Variants in GMDS observed in about 807,000 individuals in gnomAD.
GMDS encodes GDP-mannose 4,6 dehydratase.
A neutral mutation model predicts 49.9 loss-of-function variants in GMDS; 20 were observed. The ratio of observed to expected loss-of-function variants is 0.40; its 90% CI spans 0.28 to 0.58. GMDS has a LOEUF of 0.58. Among genes scored for constraint, GMDS ranks in the 20% least tolerant of loss-of-function variants. GMDS has a pLI of 0.42. For missense variants in GMDS, 362 were observed against 481.4 expected (o/e 0.75, Z 2.32); for synonymous variants, 177 against 178.6 (o/e 0.99, Z 0.07).
At chr6:2,189,651 C>G (rs1207448366) in intron 1 of GMDS, among the ~76,000 whole-genome samples, 1 of 152,174 alleles carries the variant, frequency 6.6e-6, no homozygotes, top group African/African-American at 2.4e-5. Context: ...ACATCCAGAG[C>G]ATTTTTCTGG....
intron 8 of GMDS, among the ~76,000 whole-genome samples, chr6:1,735,784 C>G (rs995464933): frequency 6.6e-6 from 1 of 152,184 alleles, no homozygotes; most frequent in East Asian, 1.9e-4. Flanking sequence ...GCTATTACTT[C>G]AGTATCAATA....
At chr6:2,204,966 T>C (rs1338614371) in intron 1 of GMDS, among the ~76,000 whole-genome samples, 3 of 152,242 alleles carry the variant, frequency 2.0e-5, no homozygotes, top group African/African-American at 4.8e-5. Context: ...AGTCAATCTA[T>C]ACTATGTGTG....
intron 9 of GMDS, among the ~76,000 whole-genome samples, chr6:1,715,037 A>C (rs1309513863): frequency 1.3e-5 from 2 of 152,230 alleles, no homozygotes; most frequent in Admixed American, 6.5e-5. Context: ...AACGAACAGA[A>C]CCTATGAAAA....
rs141276828 is a variant in GMDS, at chr6:1,809,285, G to A, written c.772-66699C>T. Among the ~76,000 whole-genome samples the A allele has an allele frequency of 6.4e-4, 97 of 152,280 alleles. No homozygotes were observed. In the Middle Eastern group the frequency reaches 0.02, roughly 32 times the overall value. On this transcript the variant is annotated intron_variant, in intron 7 of 10. Coordinates refer to ENST00000380815, the MANE Select transcript of GMDS (RefSeq NM_001500.4). ...CATGAAGTAAGTGTAAAATACTAGT[G>A]TCCAGACATCTGAGATGTATGTGGC...
intron 4 of GMDS, among the ~76,000 whole-genome samples, chr6:2,086,207 A>G (rs888682402): frequency 7.2e-5 from 11 of 152,180 alleles, no homozygotes; most frequent in African/African-American, 2.7e-4. Context: ...CTGTGGTACC[A>G]TTCACCCAGC....
chr6:1,739,576 C>T (rs1026129265), intron 8 of GMDS, among the ~76,000 whole-genome samples: 10 of 152,264 alleles, frequency 6.6e-5, no homozygotes, highest in South Asian at 4.1e-4. Flanking sequence ...TCCAGTCCCA[C>T]GCTGGCCACA....
chr6:1,719,823 T>C (rs1043953622), intron 9 of GMDS, among the ~76,000 whole-genome samples: 1 of 152,206 alleles, frequency 6.6e-6, no homozygotes, highest in Non-Finnish European at 1.5e-5. Flanking sequence ...CTATGGAAAG[T>C]TGATGCAGAT....
chr6:1,812,692 T>G (rs1445075252), intron 7 of GMDS, among the ~76,000 whole-genome samples: 2 of 152,104 alleles, frequency 1.3e-5, no homozygotes, highest in Admixed American at 6.5e-5. Flanking sequence ...AACCAGGGGC[T>G]GAGGAAGCTG....
chr6:2,023,503 G>C (rs1334189189), intron 4 of GMDS, among the ~76,000 whole-genome samples: 1 of 152,210 alleles, frequency 6.6e-6, no homozygotes, highest in Non-Finnish European at 1.5e-5. Context: ...CAGGCCAAGT[G>C]GACAGCATTC....
chr6:1,757,267 C>T (rs1290067739), intron 7 of GMDS, among the ~76,000 whole-genome samples: 1 of 152,168 alleles, frequency 6.6e-6, no homozygotes, highest in Non-Finnish European at 1.5e-5. Context: ...TCTAATCTAA[C>T]GAATGCTCTA....
intron 4 of GMDS, among the ~76,000 whole-genome samples, chr6:2,002,881 C>T (rs1681014796): frequency 6.6e-6 from 1 of 152,074 alleles, no homozygotes; most frequent in African/African-American, 2.4e-5. Context: ...TAAAATCATG[C>T]CAGAAATATC....
chr6:1,682,656 G>A (rs1448253328), intron 9 of GMDS, among the ~76,000 whole-genome samples: 3 of 3,544 alleles, frequency 8.5e-4, no homozygotes, highest in Admixed American at 3.6e-3. Flanking sequence ...TGCAAGCTCC[G>A]CCTCCCGGGT....
At chr6:1,641,896 C>T (rs948388554) in intron 9 of GMDS, among the ~76,000 whole-genome samples, 5 of 152,284 alleles carry the variant, frequency 3.3e-5, no homozygotes, top group African/African-American at 9.6e-5. Context: ...GCGGAAATAC[C>T]CCAACAACTC....
chr6:1,758,503 G>C (rs962980452), intron 7 of GMDS, among the ~76,000 whole-genome samples: 1 of 152,198 alleles, frequency 6.6e-6, no homozygotes, highest in Non-Finnish European at 1.5e-5. Context: ...GCTGCAGAGG[G>C]GGTAGGTGTT....
intron 1 of GMDS, among the ~76,000 whole-genome samples, chr6:2,149,971 A>T (rs1362106120): frequency 2.0e-5 from 3 of 151,476 alleles, no homozygotes; most frequent in Non-Finnish European, 4.4e-5. Flanking sequence ...ATTTTAAAAG[A>T]CCCTCTATTT....
At chr6:1,661,243 T>C (rs1764062437) in intron 9 of GMDS, among the ~76,000 whole-genome samples, 1 of 152,150 alleles carries the variant, frequency 6.6e-6, no homozygotes, top group Non-Finnish European at 1.5e-5. Flanking sequence ...GGTCGTGCCA[T>C]AGATCCCTGA....
chr6:2,199,484 C>G (rs1197112090), intron 1 of GMDS, among the ~76,000 whole-genome samples: 1 of 152,164 alleles, frequency 6.6e-6, no homozygotes. Context: ...TCAAATGCCT[C>G]CACTCTCTGT....
intron 4 of GMDS, among the ~76,000 whole-genome samples, chr6:1,997,672 G>A (rs1216742094): frequency 6.6e-6 from 1 of 152,080 alleles, no homozygotes; most frequent in Non-Finnish European, 1.5e-5. Flanking sequence ...ACCTGGAAGG[G>A]AAGGCCAACT....
intron 7 of GMDS, among the ~76,000 whole-genome samples, chr6:1,863,577 T>C (rs988466932): frequency 1.3e-5 from 2 of 152,184 alleles, no homozygotes; most frequent in Admixed American, 6.5e-5. Context: ...CATAGCTTTT[T>C]GTGAATAAAA....
Sources: allele counts gnomAD v4.1 joint callset (sites outside exome capture counted in the v4.1 genomes callset), GRCh38; gene constraint gnomAD v4.1.1; transcripts MANE v1.5; gene names NCBI Gene and HGNC (gene_info 2026-07-23, HGNC 2026-07-21).